The following TMEM131 variants were observed in gnomAD, a reference collection of about 807,000 sequenced individuals.
TMEM131 encodes the protein 2610524E03Rik.
A neutral mutation model predicts 211.6 loss-of-function variants in TMEM131; 66 were observed. The ratio of observed to expected loss-of-function variants is 0.31; its 90% CI spans 0.26 to 0.38. TMEM131 has a LOEUF of 0.38. TMEM131 is among the 10% of genes least tolerant of loss of function. TMEM131 has a pLI of 1.00. For synonymous variants in TMEM131, 844 were observed against 841.3 expected, an observed-to-expected ratio of 1.00 and a Z score of -0.06; for missense variants, 2,036 against 2,299.3, an observed-to-expected ratio of 0.89 and a Z score of 2.34.
intron 33 of TMEM131, among the ~76,000 whole-genome samples, chr2:97,769,050 C>G (rs1267567390): frequency 2.0e-5 from 3 of 150,132 alleles, no homozygotes; most frequent in Non-Finnish European, 4.4e-5. Flanking sequence ...CTGGGCTCAA[C>G]TCCTGAGTCT....
At chr2:97,781,246 T>G (rs1679987077) in intron 31 of TMEM131, among the ~76,000 whole-genome samples, 1 of 152,222 alleles carries the variant, frequency 6.6e-6, no homozygotes, top group South Asian at 2.1e-4. Flanking sequence ...GCCCAGCACG[T>G]GGCAAGTGCT....
At chr2:97,902,268 A>T (rs1157797632) in intron 3 of TMEM131, among the ~76,000 whole-genome samples, 1 of 152,222 alleles carries the variant, frequency 6.6e-6, no homozygotes, top group Non-Finnish European at 1.5e-5. Flanking sequence ...ATATACACTC[A>T]GACTAAAGAA....
rs369835046 is a variant in TMEM131 at position 97,915,711 on chromosome 2, T to C, written c.250-7013A>G. ...TGCACATCTGGTATTAATTCTTTGGTGTCAAGAACTCTTTGCCTAGCCCTG... is the reference window on the plus strand; with the variant it reads ...TGCACATCTGGTATTAATTCTTTGGCGTCAAGAACTCTTTGCCTAGCCCTG... On this transcript the variant is annotated intron_variant, in intron 2 of 40. Transcript: ENST00000186436. Among the ~76,000 whole-genome samples the C allele has an allele frequency of 2.4e-4, 36 of 152,288 alleles. 1 individual carries two copies. The highest frequency in any genetic ancestry group is 8.2e-4 in the African/African-American group (34 of 41,568).
chr2:97,839,076 C>T (rs1244852619), intron 7 of TMEM131, among the ~76,000 whole-genome samples: 3 of 152,184 alleles, frequency 2.0e-5, no homozygotes, highest in East Asian at 1.9e-4. Flanking sequence ...GTAATCCCGG[C>T]ACTTTGGGAG....
intron 11 of TMEM131, chr2:97,827,598 C>T (rs1007709026): frequency 1.1e-6 from 1 of 926,044 alleles, no homozygotes; most frequent in Non-Finnish European, 1.8e-6. Context: ...CCTTCTTGTA[C>T]AATCCAGAGG....
intron 1 of TMEM131, among the ~76,000 whole-genome samples, chr2:97,990,624 A>G (rs982511887): frequency 1.3e-5 from 2 of 152,236 alleles, no homozygotes; most frequent in South Asian, 2.1e-4. Context: ...GATGGTTTAG[A>G]TAAGTGTATA....
chr2:97,761,397 T>C (rs1304752547), intron 36 of TMEM131: 1 of 160,244 alleles, frequency 6.2e-6, no homozygotes, highest in Non-Finnish European at 1.4e-5. Flanking sequence ...GACCCTAGGC[T>C]GGCCGGTGAC....
At chr2:97,832,335 C>T (rs566756666) in intron 11 of TMEM131, among the ~76,000 whole-genome samples, 18 of 152,218 alleles carry the variant, frequency 1.2e-4, no homozygotes, top group Non-Finnish European at 1.8e-4. Context: ...ATTTATTGTA[C>T]GTAAAAAGTT....
rs1162102383 is a variant in TMEM131 at position 97,942,479 on chromosome 2, A to T, written c.188-14992T>A. On this transcript the variant is annotated intron_variant, in intron 1 of 40. Coordinates refer to ENST00000186436, the MANE Select transcript of TMEM131 (RefSeq NM_015348.2). ...ACCCTAGAACTTAAAGTATAATTTA[A>T]AAAAAAAAAATACAAAAAAAAAGAA... 8.4e-3 allele frequency among the ~76,000 whole-genome samples: 79 copies of T among 9,372 alleles called. 3 individuals are homozygous for T. Among genetic ancestry groups the T allele is most frequent in the African/African-American group, 7.2e-3 (4 of 558 alleles). The allele number at this position is 9,372 out of a possible 152,430, so 6.1% of individuals were successfully genotyped here.
intron 3 of TMEM131, among the ~76,000 whole-genome samples, chr2:97,899,788 T>C (rs941276336): frequency 6.6e-6 from 1 of 152,140 alleles, no homozygotes; most frequent in Non-Finnish European, 1.5e-5. Flanking sequence ...GAAAACTGTA[T>C]ATATTTATGA....
chr2:97,776,499 G>A (rs974274533), intron 31 of TMEM131, among the ~76,000 whole-genome samples: 4 of 152,108 alleles, frequency 2.6e-5, no homozygotes, highest in Admixed American at 6.5e-5. Flanking sequence ...TTTGTGATGA[G>A]AACAATTTTA....
chr2:97,976,947 G>T, intron 1 of TMEM131, among the ~76,000 whole-genome samples: 1 of 125,744 alleles, frequency 8.0e-6, no homozygotes, highest in Non-Finnish European at 1.6e-5. Flanking sequence ...TAGAAGAACT[G>T]GTTATTTATA....
intron 25 of TMEM131, 95 bp downstream of exon 25, chr2:97,801,800 C>T: frequency 1.1e-6 from 1 of 904,324 alleles, no homozygotes; most frequent in Non-Finnish European, 1.6e-6. Flanking sequence ...TACCCTTCAG[C>T]CAAATTTAAG....
At chr2:97,808,971 G>A (rs1681431967) in intron 19 of TMEM131, among the ~76,000 whole-genome samples, 1 of 152,156 alleles carries the variant, frequency 6.6e-6, no homozygotes. Flanking sequence ...TACTGCCTCA[G>A]CCACAGCCAT....
chr2:97,935,178 T>C (rs1677390002), intron 1 of TMEM131, among the ~76,000 whole-genome samples: 1 of 151,850 alleles, frequency 6.6e-6, no homozygotes, highest in African/African-American at 2.4e-5. Context: ...AAAAGAACAA[T>C]CCAATAAGCA....
chr2:97,790,289 C>T (rs1680441618), intron 31 of TMEM131, among the ~76,000 whole-genome samples: 1 of 152,116 alleles, frequency 6.6e-6, no homozygotes, highest in Admixed American at 6.5e-5. Context: ...TATATGCATG[C>T]TATACTTCAA....
chr2:97,869,520 T>C (rs1027583417), intron 4 of TMEM131, among the ~76,000 whole-genome samples: 1 of 152,196 alleles, frequency 6.6e-6, no homozygotes, highest in South Asian at 2.1e-4. Flanking sequence ...TCAAAGTAGC[T>C]TGGAGTAACA....
intron 1 of TMEM131, among the ~76,000 whole-genome samples, chr2:97,976,241 G>GA (rs924961568): frequency 1.3e-5 from 2 of 151,906 alleles, no homozygotes; most frequent in Non-Finnish European, 1.5e-5. Context: ...ATCCAGACTG[G>GA]AAAAAAACGT....
chr2:97,850,103 G>GA (rs1265160027), intron 5 of TMEM131, among the ~76,000 whole-genome samples: 10 of 150,672 alleles, frequency 6.6e-5, no homozygotes, highest in East Asian at 1.9e-4. Flanking sequence ...CCGGCAGTAT[G>GA]AAAAAAACAA....
Sources: gnomAD v4.1 joint callset for allele counts (sites outside exome capture counted in the v4.1 genomes callset) on GRCh38, gnomAD v4.1.1 for gene constraint, MANE v1.5 for transcripts, NCBI Gene and HGNC (gene_info 2026-07-23, HGNC 2026-07-21) for gene names.